ASPSCR1: variants seen among roughly 807,000 people sequenced by gnomAD.
ASPSCR1 encodes ASPSCR1 tether for SLC2A4, UBX domain containing.
A neutral mutation model predicts 68.9 loss-of-function variants in ASPSCR1; 55 were observed. That is an observed-to-expected ratio of 0.80 (90% CI 0.64 to 1.00). ASPSCR1 has a LOEUF of 1.00. ASPSCR1 is among the 50% of genes least tolerant of loss of function. The pLI is 0.00. For synonymous variants in ASPSCR1, 352 were observed against 332.6 expected (o/e 1.06, Z -0.63); for missense variants, 765 against 762.2 (o/e 1.00, Z -0.04).
chr17:81,980,108 G>A (rs1192359415), intron 2 of ASPSCR1, among the ~76,000 whole-genome samples: 1 of 152,092 alleles, frequency 6.6e-6, no homozygotes, highest in Non-Finnish European at 1.5e-5. Context: ...TCAGCCTCCC[G>A]AGTAGCTGAG....
At chr17:82,011,351 C>T (rs918090405) in intron 10 of ASPSCR1, among the ~76,000 whole-genome samples, 192 bp from the exon 11 acceptor site, 6 of 151,576 alleles carry the variant, frequency 4.0e-5, no homozygotes, top group African/African-American at 7.3e-5. Context: ...TCCAGCAGGG[C>T]GGGGGTCCCA....
rs1298590353 is a variant in ASPSCR1 at position 81,990,875 on chromosome 17, T to G, written c.375-3946T>G. Among the ~76,000 whole-genome samples, 1 of 152,124 alleles carries G rather than the reference T, an allele frequency of 6.6e-6. No individual in the cohort carries two copies. The highest frequency in any genetic ancestry group is 2.4e-5 in the African/African-American group (1 of 41,408). On this transcript the variant is annotated intron_variant, in intron 4 of 15. Coordinates refer to ENST00000306739, the MANE Select transcript of ASPSCR1 (RefSeq NM_024083.4). The surrounding 1 kb of genome is among the most constrained non-coding windows in gnomAD (Gnocchi z 4.1). ...GCACTAGCCCCAGGAGGTCATACTG[T>G]GACTCGGGGGATACTGTAGCACGTC...
At chr17:82,010,726 C>T in intron 9 of ASPSCR1, 76 bp from the exon 10 acceptor site, 1 of 1,490,878 alleles carries the variant, frequency 6.7e-7, no homozygotes, top group South Asian at 1.1e-5. Flanking sequence ...CCAGCATGGG[C>T]CGAGTGGGGA....
intron 2 of ASPSCR1, chr17:81,982,748 T>C (rs1324874006): frequency 6.6e-6 from 1 of 150,410 alleles, no homozygotes; most frequent in Non-Finnish European, 1.5e-5. Context: ...TGTTTTCTCT[T>C]TCTTTCTTTC....
chr17:82,014,719 A>T, intron 12 of ASPSCR1: 1 of 325,220 alleles, frequency 3.1e-6, no homozygotes, highest in Non-Finnish European at 5.8e-6. Flanking sequence ...CCACGTGTGC[A>T]TGCAGCCCCT....
intron 10 of ASPSCR1, among the ~76,000 whole-genome samples, chr17:82,011,119 G>A (rs1054263809): frequency 3.3e-5 from 5 of 152,190 alleles, no homozygotes; most frequent in South Asian, 4.1e-4. Context: ...TGCTCACGTC[G>A]CCCACCTACT....
rs2041656416 is a variant in ASPSCR1, at chr17:81,977,875, G to A, written c.102+127G>A. ...CGGCGGCCAATGAGCGGCCTCCTGA[G>A]CGGCGGCCCCGCCCCCTGCTCGCCG... On this transcript the variant is annotated intron_variant, in intron 1 of 15. Coordinates refer to ENST00000306739, the MANE Select transcript of ASPSCR1 (RefSeq NM_024083.4). The surrounding 1 kb of genome is among the most constrained non-coding windows in gnomAD (Gnocchi z 5.0). 1 of 647,464 alleles carries A rather than the reference G, an allele frequency of 1.5e-6. No homozygotes were observed. Among genetic ancestry groups the A allele is most frequent in the Non-Finnish European group, 2.1e-6 (1 of 470,764 alleles). The allele number at this position is 647,464 out of a possible 1,614,324, so 40.1% of individuals were successfully genotyped here. A position where few individuals can be genotyped will look rare whatever the true frequency, so the allele number is the denominator to read the frequency against.
chr17:81,997,015 G>A (rs965234600), intron 7 of ASPSCR1, among the ~76,000 whole-genome samples, 169 bp downstream of exon 7: 5 of 128,720 alleles, frequency 3.9e-5, no homozygotes, highest in African/African-American at 1.1e-4. Context: ...TTCTGACTTC[G>A]CCCAGGAAGG....
At chr17:82,001,634 G>A (rs1598415981) in intron 7 of ASPSCR1, among the ~76,000 whole-genome samples, 3 of 152,200 alleles carry the variant, frequency 2.0e-5, no homozygotes, top group East Asian at 3.8e-4. Context: ...AGAACTGGGA[G>A]TGTGGGGCTC....
At chr17:82,013,606 C>G (rs539811875) in intron 12 of ASPSCR1, 1 of 152,202 alleles carries the variant, frequency 6.6e-6, no homozygotes, top group Non-Finnish European at 1.5e-5. Context: ...AGCCCCACTC[C>G]GGCTGCCTGC....
intron 3 of ASPSCR1, 28 bp from the exon 4 acceptor site, chr17:81,985,479 G>A: frequency 6.2e-7 from 1 of 1,605,416 alleles, no homozygotes; most frequent in Non-Finnish European, 8.5e-7. Context: ...TCTTCCTAAG[G>A]AAGTTTCTCA....
intron 7 of ASPSCR1, chr17:82,006,476 T>C (rs533364144): frequency 6.6e-6 from 1 of 152,342 alleles, no homozygotes; most frequent in East Asian, 1.9e-4. Flanking sequence ...TCTGCCCATC[T>C]TTCTGTGGGC....
At position 81,996,212 on chromosome 17, in the gene ASPSCR1, T is replaced by G; in HGVS notation, c.506+147T>G. On this transcript the variant is annotated intron_variant, in intron 6 of 15. Transcript: ENST00000306739. ...GAGCGCCTGGTGGCCTCTGCCTGCCTGTGGGCGTGGGGGCTGGGCTGCCCC... is the reference window on the plus strand; with the variant it reads ...GAGCGCCTGGTGGCCTCTGCCTGCCGGTGGGCGTGGGGGCTGGGCTGCCCC... 3 of 1,332,486 alleles carry G rather than the reference T, an allele frequency of 2.3e-6. No individual in the cohort carries two copies. The South Asian group carries it at 4.6e-5, about 20-fold the overall frequency. The allele number at this position is 1,332,486 out of a possible 1,614,324, so 82.5% of individuals were successfully genotyped here. A position where few individuals can be genotyped will look rare whatever the true frequency, so the allele number is the denominator to read the frequency against.
intron 7 of ASPSCR1, among the ~76,000 whole-genome samples, chr17:81,998,460 C>T (rs1011524244): frequency 6.6e-6 from 1 of 151,986 alleles, no homozygotes; most frequent in Non-Finnish European, 1.5e-5. Context: ...TGGATCGTGG[C>T]GATCTTAGTA....
Position 81,990,880 on chromosome 17 carries a change from C to T in ASPSCR1, c.375-3941C>T, listed in dbSNP as rs1371896291. Among the ~76,000 whole-genome samples, 1 of 152,072 alleles carries T rather than the reference C, an allele frequency of 6.6e-6. No homozygotes were observed. Among genetic ancestry groups the T allele is most frequent in the Non-Finnish European group, 1.5e-5 (1 of 68,024 alleles). On this transcript the variant is annotated intron_variant, in intron 4 of 15. Transcript: ENST00000306739. This position sits in a 1 kb window ranked among gnomAD's most constrained non-coding sequence, Gnocchi z 4.1. ...AGCCCCAGGAGGTCATACTGTGACT[C>T]GGGGGATACTGTAGCACGTCTGGGC... is the stretch of plus-strand genomic sequence containing the variant.
At chr17:82,000,120 T>C (rs1421232909) in intron 7 of ASPSCR1, among the ~76,000 whole-genome samples, 1 of 152,232 alleles carries the variant, frequency 6.6e-6, no homozygotes. Flanking sequence ...TGACCCCCTC[T>C]AGGCCTGCTC....
intron 5 of ASPSCR1, 28 bp downstream of exon 5, chr17:81,994,906 TCCC>T (rs2042286090): frequency 6.3e-7 from 1 of 1,592,546 alleles, no homozygotes; most frequent in Admixed American, 1.7e-5. Flanking sequence ...GCTCACCCAG[TCCC>T]CGCTCACTTT....
At chr17:81,993,464 C>T (rs1180994152) in intron 4 of ASPSCR1, among the ~76,000 whole-genome samples, 5 of 152,170 alleles carry the variant, frequency 3.3e-5, no homozygotes, top group Admixed American at 2.0e-4. Context: ...CCGCCCATCT[C>T]GGCCTCCCAA....
chr17:82,010,089 T>TTTC, intron 9 of ASPSCR1: 1 of 288,894 alleles, frequency 3.5e-6, no homozygotes, highest in Non-Finnish European at 6.9e-6. Context: ...TTTTTGTTGT[T>TTTC]TTTTTTTTTT....
Sources: allele counts gnomAD v4.1 joint callset (sites outside exome capture counted in the v4.1 genomes callset), GRCh38; gene constraint gnomAD v4.1.1; non-coding constraint Gnocchi (gnomAD v3.1); transcripts MANE v1.5; gene names NCBI Gene and HGNC (gene_info 2026-07-23, HGNC 2026-07-21).